WDR3: variants seen among roughly 807,000 people sequenced by gnomAD.
WDR3 encodes the protein WD repeat-containing protein 3.
A neutral mutation model predicts 123.7 loss-of-function variants in WDR3; 81 were observed. That is an observed-to-expected ratio of 0.65 (90% CI 0.55 to 0.79). The LOEUF (loss-of-function observed/expected upper bound fraction) is 0.79, where lower values mean the gene tolerates loss of function less well. Among genes scored for constraint, WDR3 ranks in the 30% least tolerant of loss-of-function variants. The pLI, the probability that WDR3 is intolerant of heterozygous loss-of-function variation, is 0.00. For synonymous variants in WDR3, 390 were observed against 388.8 expected (o/e 1.00, Z -0.04); for missense variants, 1,027 against 1,123.2 (o/e 0.91, Z 1.22).
intron 16 of WDR3, among the ~76,000 whole-genome samples, 184 bp from the exon 17 acceptor site, chr1:117,951,792 A>T (rs1286033458): frequency 6.6e-6 from 1 of 152,202 alleles, no homozygotes; most frequent in African/African-American, 2.4e-5. Flanking sequence ...CTTTTACTTA[A>T]CAAGCTTTTT....
chr1:117,949,872 G>A, intron 14 of WDR3, 36 bp downstream of exon 14: 1 of 1,611,170 alleles, frequency 6.2e-7, no homozygotes, highest in South Asian at 1.1e-5. Context: ...TTTTTGGAGT[G>A]AAAATGGGGA....
intron 11 of WDR3, 75 bp downstream of exon 11, chr1:117,943,701 A>G: frequency 7.8e-7 from 1 of 1,282,022 alleles, no homozygotes; most frequent in South Asian, 1.4e-5. Flanking sequence ...CTTAAGGGTT[A>G]GTTATTAACT....
intron 3 of WDR3, among the ~76,000 whole-genome samples, chr1:117,935,191 A>G (rs1650868513): frequency 6.6e-6 from 1 of 152,200 alleles, no homozygotes; most frequent in Non-Finnish European, 1.5e-5. Context: ...ATGGGAAGAC[A>G]AGGTATTGAA....
intron 24 of WDR3, among the ~76,000 whole-genome samples, chr1:117,955,570 G>A (rs1358511974): frequency 2.0e-5 from 3 of 152,004 alleles, no homozygotes; most frequent in African/African-American, 7.2e-5. Context: ...TGCTTTTAAG[G>A]ACAAATAAAG....
chr1:117,964,251 T>C lies in WDR3; in HGVS notation c.*4804T>C, dbSNP rs185825411. On this transcript the variant is annotated 3_prime_UTR_variant, in exon 27 of 27. Coordinates refer to ENST00000349139, the MANE Select transcript of WDR3 (RefSeq NM_006784.3). ...AGATTTCATGCTTTTTTTTTTTTTT[T>C]TTGGTGGGGAGAGGGACAGATCATT... is the stretch of plus-strand genomic sequence containing the variant. 338 of 194,310 alleles carry C rather than the reference T, an allele frequency of 1.7e-3. 4 individuals carry two copies. The highest frequency in any genetic ancestry group is 7.5e-3 in the African/African-American group (324 of 43,184). The allele number at this position is 194,310 out of a possible 1,614,324, so 12.0% of individuals were successfully genotyped here.
rs924146124 is a variant in WDR3 at position 117,936,617 on chromosome 1, G to A, written c.382-152G>A. The A allele has an allele frequency of 1.0e-5, 5 of 485,602 alleles. No homozygotes were observed. In the Admixed American group the frequency reaches 1.9e-4, roughly 19 times the overall value. The allele number at this position is 485,602 out of a possible 1,614,324, so 30.1% of individuals were successfully genotyped here. A position where few individuals can be genotyped will look rare whatever the true frequency, so the allele number is the denominator to read the frequency against. On this transcript the variant is annotated intron_variant, in intron 3 of 26. Transcript: ENST00000349139. ...ATTTCTGGTTGGTGAGAATAAGGCT[G>A]GTGTTTATTCCCCTGTACTTTCCCC...
rs751941966 is a variant in WDR3 at position 117,957,135 on chromosome 1, G to A, written c.2521G>A (p.Glu841Lys). ...YVPDILKLFNEFIQLGSDVEL... is the reference protein window; with the variant it reads ...YVPDILKLFNKFIQLGSDVEL... ...CCCAGACATTCTTAAACTCTTTAACGAATTCATTCAGCTGGGCTCTGATGT... is the reference window on the plus strand; with the variant it reads ...CCCAGACATTCTTAAACTCTTTAACAAATTCATTCAGCTGGGCTCTGATGT... Residue 841 changes from glutamate to lysine, a missense_variant, in exon 25 of 27, where the codon GAA (glutamate) becomes AAA (lysine). Transcript: ENST00000349139. The A allele has an allele frequency of 1.4e-5, 23 of 1,612,130 alleles. No individual in the cohort carries two copies. The highest frequency in any genetic ancestry group is 1.2e-4 in the South Asian group (11 of 90,624).
At chr1:117,935,644 C>G (rs540384089) in intron 3 of WDR3, among the ~76,000 whole-genome samples, 26 of 151,852 alleles carry the variant, frequency 1.7e-4, no homozygotes, top group African/African-American at 6.3e-4. Flanking sequence ...TTACCTCATG[C>G]TATATACCAA....
Position 117,964,376 on chromosome 1 carries a change from A to C in WDR3, c.*4929A>C, listed in dbSNP as rs569600336. ...CTAATCTATAAGCAGGGAAATAGAA[A>C]ATTTATTATAAATACAAATGATTTC... is the stretch of plus-strand genomic sequence containing the variant. On this transcript the variant is annotated 3_prime_UTR_variant, in exon 27 of 27. Coordinates refer to ENST00000349139, the MANE Select transcript of WDR3 (RefSeq NM_006784.3). The C allele has an allele frequency of 2.5e-3, 390 of 153,448 alleles. 2 individuals carry two copies. The highest frequency in any genetic ancestry group is 8.9e-3 in the African/African-American group (370 of 41,538). 9.5% of individuals were successfully genotyped at this position (153,448 alleles called of 1,614,324 possible). A position where few individuals can be genotyped will look rare whatever the true frequency, so the allele number is the denominator to read the frequency against.
chr1:117,942,282 T>C (rs1651197506), intron 9 of WDR3, among the ~76,000 whole-genome samples, 155 bp from the exon 10 acceptor site: 1 of 152,242 alleles, frequency 6.6e-6, no homozygotes, highest in Non-Finnish European at 1.5e-5. Context: ...CCACTTATAC[T>C]ACATTGTTTA....
chr1:117,955,131 A>G (rs1651979360), intron 23 of WDR3, 184 bp from the exon 24 acceptor site: 2 of 481,526 alleles, frequency 4.2e-6, no homozygotes, highest in Non-Finnish European at 7.3e-6. Context: ...ATAGTTGGTA[A>G]GGGGCAGAGT....
intron 1 of WDR3, among the ~76,000 whole-genome samples, chr1:117,930,478 GT>G (rs1650672681): frequency 6.6e-6 from 1 of 152,198 alleles, no homozygotes; most frequent in Non-Finnish European, 1.5e-5. Flanking sequence ...TGACAGGAAG[GT>G]TTATTCGAGA....
rs1189960544 is a variant in WDR3 at position 117,950,012 on chromosome 1, C to T, written c.1628C>T (p.Thr543Ile). 2.5e-6 allele frequency: 4 copies of T among 1,613,892 alleles called. No individual in the cohort carries two copies. The East Asian group carries it at 6.7e-5, about 27-fold the overall frequency. ...GGTGCTAGACTTTCTGTGAAGCAAA[C>T]CCGAACTTTGCAACTAGATGAAGAT... Reference protein sequence around the residue: ...STQKRLSVKQTRTLQLDEDVL... With the variant: ...STQKRLSVKQIRTLQLDEDVL... The change falls in exon 15 of 27, where the codon ACC (threonine) becomes ATC (isoleucine). Residue 543 changes from threonine to isoleucine, a missense_variant. Physicochemically the swap from Thr to Ile is moderately conservative, Grantham distance 89. Transcript: ENST00000349139.
chr1:117,942,420 TTTC>T lies in WDR3; in HGVS notation c.990-10_990-8del, dbSNP rs1278802642. The stretch of plus-strand genomic sequence containing the variant: ...TAGAAAAATAAGAGCATGATATACT[TTTC>T]TTCTTCCCTCTAGATTACATTCTAG... On this transcript the variant is annotated splice_polypyrimidine_tract_variant and intron_variant, in intron 9 of 26. Transcript: ENST00000349139. The T allele has an allele frequency of 6.2e-6, 10 of 1,606,700 alleles. No individual in the cohort carries two copies. Among genetic ancestry groups the T allele is most frequent in the Non-Finnish European group, 8.5e-6 (10 of 1,174,376 alleles).
Position 117,939,969 on chromosome 1 carries a change from C to T in WDR3, c.675+397C>T, listed in dbSNP as rs190465739. On this transcript the variant is annotated intron_variant, in intron 6 of 26. Transcript: ENST00000349139. ...TTTTCTTAGACATTCAAAGAATTTA[C>T]ATAGAAGAAAAGCTTGCAGACCTTA... Among the ~76,000 whole-genome samples, 12 of 152,284 alleles carry T rather than the reference C, an allele frequency of 7.9e-5. No homozygotes were observed. The East Asian group carries it at 2.1e-3, about 27-fold the overall frequency.
intron 5 of WDR3, among the ~76,000 whole-genome samples, chr1:117,939,196 A>C (rs1014349179): frequency 2.0e-5 from 3 of 152,248 alleles, no homozygotes; most frequent in African/African-American, 7.2e-5. Context: ...AGTGGATTCT[A>C]GTTAAGATTT....
chr1:117,965,333 CCCTA>C lies in WDR3; in HGVS notation c.*5887_*5890del, dbSNP rs890299097. On this transcript the variant is annotated 3_prime_UTR_variant, in exon 27 of 27. Transcript: ENST00000349139. ...TCCACTGGCTCTTCTTCCTCCTGCT[CCCTA>C]AACCGACTCCAGATTTCTGTTCCTT... 1 of 152,200 alleles carries C rather than the reference CCCTA, an allele frequency of 6.6e-6. No homozygotes were observed. The highest frequency in any genetic ancestry group is 2.4e-5 in the African/African-American group (1 of 41,430). 9.4% of individuals were successfully genotyped at this position (152,200 alleles called of 1,614,324 possible).
chr1:117,935,938 C>T (rs2101194284), intron 3 of WDR3, among the ~76,000 whole-genome samples: 1 of 151,938 alleles, frequency 6.6e-6, no homozygotes, highest in Admixed American at 6.5e-5. Flanking sequence ...AGAGATGACA[C>T]TCTAAGAATG....
At position 117,938,380 on chromosome 1, in the gene WDR3, A is replaced by T; in HGVS notation, c.501-100A>T. On this transcript the variant is annotated intron_variant, in intron 4 of 26. Transcript: ENST00000349139. ...TCGGAGCTTTAGACATTATTGAAGC[A>T]TATGTTCCTTTTAAAGCAACAGTGA... The T allele has an allele frequency of 4.6e-6, 4 of 872,944 alleles. No homozygotes were observed. The Middle Eastern group carries it at 8.7e-4, about 191-fold the overall frequency. 54.1% of individuals were successfully genotyped at this position (872,944 alleles called of 1,614,324 possible).
Sources: allele counts gnomAD v4.1 joint callset (sites outside exome capture counted in the v4.1 genomes callset), GRCh38; gene constraint gnomAD v4.1.1; transcripts MANE v1.5; gene names NCBI Gene and HGNC (gene_info 2026-07-23, HGNC 2026-07-21).